The following SUPT3H variants were observed in gnomAD, a reference collection of about 807,000 sequenced individuals.
SUPT3H encodes the protein SPT3 homolog, SAGA and STAGA complex component, also known as transcription initiation protein SPT3 homolog.
SUPT3H carries 44 observed loss-of-function variants against 44.3 expected under a neutral mutation model. That is an observed-to-expected ratio of 0.99 (90% CI 0.78 to 1.28). The LOEUF is 1.28. Ranked by LOEUF, SUPT3H falls within the 50% of genes most tolerant of loss-of-function variation. SUPT3H has a pLI of 0.00. For missense variants in SUPT3H, 380 were observed against 387.1 expected (o/e 0.98, Z 0.15); for synonymous variants, 124 against 125.6 (o/e 0.99, Z 0.09).
At chr6:45,355,706 G>C (rs1315077416) in intron 2 of SUPT3H, among the ~76,000 whole-genome samples, 1 of 151,906 alleles carries the variant, frequency 6.6e-6, no homozygotes, top group Non-Finnish European at 1.5e-5. Flanking sequence ...ACTTCTAAAG[G>C]ATTAGAGATA....
At chr6:44,854,159 C>T (rs1048645370) in intron 10 of SUPT3H, among the ~76,000 whole-genome samples, 1 of 151,912 alleles carries the variant, frequency 6.6e-6, no homozygotes, top group African/African-American at 2.4e-5. Context: ...CCTGAAAATG[C>T]ACATAGAACA....
chr6:45,043,017 C>G (rs1427800212), intron 3 of SUPT3H, among the ~76,000 whole-genome samples: 1 of 152,004 alleles, frequency 6.6e-6, no homozygotes, highest in Non-Finnish European at 1.5e-5. Context: ...GCAGTGTCCT[C>G]CCTTACTAAA....
intron 2 of SUPT3H, among the ~76,000 whole-genome samples, chr6:45,239,824 G>GA (rs1325359634): frequency 6.6e-6 from 1 of 152,138 alleles, no homozygotes; most frequent in African/African-American, 2.4e-5. Flanking sequence ...ATTGTAGAAC[G>GA]AATGAATCTC....
In SUPT3H at chr6:44,954,609, T is replaced by A; in HGVS notation, c.581-2A>T. 1 of 1,602,680 alleles carries A rather than the reference T, an allele frequency of 6.2e-7. No homozygotes were observed. Among genetic ancestry groups the A allele is most frequent in the Non-Finnish European group, 8.5e-7 (1 of 1,171,688 alleles). ...CTCGAAATTTGGAAGCTTTTTTGGCTGGCCATTTAAAAAAAACAAGTGCAG... is the reference window on the plus strand; with the variant it reads ...CTCGAAATTTGGAAGCTTTTTTGGCAGGCCATTTAAAAAAAACAAGTGCAG... On this transcript the variant is annotated splice_acceptor_variant, in intron 7 of 10. Coordinates refer to ENST00000371459, the MANE Select transcript of SUPT3H (RefSeq NM_003599.4). LOFTEE classifies it high-confidence loss of function.
chr6:45,325,227 TAAAAG>T (rs1183843252), intron 2 of SUPT3H, among the ~76,000 whole-genome samples: 5 of 151,482 alleles, frequency 3.3e-5, no homozygotes, highest in African/African-American at 1.2e-4. Flanking sequence ...GAGCAGCAAA[TAAAAG>T]AATAGAGTTA....
chr6:45,197,644 T>A, intron 2 of SUPT3H: 1 of 354,028 alleles, frequency 2.8e-6, no homozygotes, highest in Non-Finnish European at 5.6e-6. Flanking sequence ...CAGAAAAAAA[T>A]TGACAATACT....
chr6:45,105,892 G>A, intron 3 of SUPT3H, 30 bp downstream of exon 3: 2 of 1,551,100 alleles, frequency 1.3e-6, no homozygotes, highest in East Asian at 2.3e-5. Flanking sequence ...GCAGAGAAGA[G>A]AAACCAAATC....
intron 10 of SUPT3H, among the ~76,000 whole-genome samples, chr6:44,839,034 A>C (rs1238198876): frequency 6.6e-6 from 1 of 152,254 alleles, no homozygotes; most frequent in African/African-American, 2.4e-5. Flanking sequence ...GTGAAAGATT[A>C]ATTTGAACAG....
intron 5 of SUPT3H, among the ~76,000 whole-genome samples, chr6:45,004,582 T>C (rs928769220): frequency 6.6e-6 from 1 of 151,984 alleles, no homozygotes; most frequent in South Asian, 2.1e-4. Flanking sequence ...TATATTAAAA[T>C]ATCACATATC....
At chr6:45,238,533 T>C (rs1009710989) in intron 2 of SUPT3H, among the ~76,000 whole-genome samples, 20 of 152,302 alleles carry the variant, frequency 1.3e-4, no homozygotes, top group African/African-American at 4.8e-4. Context: ...TTACAGCTGA[T>C]TGAAAGGCAA....
At chr6:44,833,602 C>CA (rs1407175472) in intron 10 of SUPT3H, among the ~76,000 whole-genome samples, 2 of 152,048 alleles carry the variant, frequency 1.3e-5, no homozygotes, top group East Asian at 3.9e-4. Flanking sequence ...TAGGGAGGGG[C>CA]AAAGATTAAA....
intron 10 of SUPT3H, among the ~76,000 whole-genome samples, chr6:44,918,506 T>G (rs1768156361): frequency 6.6e-6 from 1 of 152,202 alleles, no homozygotes; most frequent in African/African-American, 2.4e-5. Flanking sequence ...CCTTTATAAG[T>G]GACTTTACTA....
intron 2 of SUPT3H, among the ~76,000 whole-genome samples, chr6:45,143,179 C>T (rs542255172): frequency 6.8e-4 from 104 of 152,174 alleles, no homozygotes; most frequent in South Asian, 6.2e-4. Context: ...ATAGAAACAA[C>T]GAACTTAAAC....
intron 6 of SUPT3H, among the ~76,000 whole-genome samples, chr6:45,001,790 A>G (rs1782042440): frequency 6.6e-6 from 1 of 152,232 alleles, no homozygotes; most frequent in East Asian, 1.9e-4. Context: ...ACTGAACTTT[A>G]AAAGCAAGAG....
chr6:45,147,987 TTC>T (rs1806352524), intron 2 of SUPT3H, among the ~76,000 whole-genome samples: 1 of 152,100 alleles, frequency 6.6e-6, no homozygotes, highest in African/African-American at 2.4e-5. Flanking sequence ...CATGCTAACT[TTC>T]TATCATGTAT....
chr6:45,119,188 G>A (rs1396409411), intron 2 of SUPT3H, among the ~76,000 whole-genome samples: 1 of 152,098 alleles, frequency 6.6e-6, no homozygotes. Context: ...ACTCCTAGAT[G>A]CTTCCATAGC....
At chr6:44,832,970 A>G (rs1019911079) in intron 10 of SUPT3H, among the ~76,000 whole-genome samples, 18 of 152,270 alleles carry the variant, frequency 1.2e-4, no homozygotes, top group Admixed American at 1.0e-3. Flanking sequence ...GGGGATACAA[A>G]TGAATATTAA....
intron 2 of SUPT3H, among the ~76,000 whole-genome samples, chr6:45,205,373 T>C (rs1763066982): frequency 6.6e-6 from 1 of 152,230 alleles, no homozygotes; most frequent in Non-Finnish European, 1.5e-5. Context: ...CCACATTTTC[T>C]ATAGTTTCCA....
intron 11 of SUPT3H, among the ~76,000 whole-genome samples, chr6:44,817,305 C>G (rs1384960537): frequency 6.7e-6 from 1 of 149,608 alleles, no homozygotes; most frequent in Non-Finnish European, 1.5e-5. Context: ...CATAAAAACA[C>G]TCGGCAAAAA....
Sources: allele counts gnomAD v4.1 joint callset (sites outside exome capture counted in the v4.1 genomes callset), GRCh38; gene constraint gnomAD v4.1.1; transcripts MANE v1.5; gene names NCBI Gene and HGNC (gene_info 2026-07-23, HGNC 2026-07-21).